Variants in WWP2 observed in about 807,000 individuals in gnomAD.
WWP2 encodes NEDD4-like E3 ubiquitin-protein ligase WWP2.
A neutral mutation model predicts 121.0 loss-of-function variants in WWP2; 57 were observed. The observed-to-expected ratio is 0.47, with a 90% CI of 0.38 to 0.59. The LOEUF is 0.59. WWP2 is among the 20% of genes least tolerant of loss of function. The pLI, the probability that WWP2 is intolerant of heterozygous loss-of-function variation, is 0.00. For synonymous variants in WWP2, 449 were observed against 441.3 expected (o/e 1.02, Z -0.22); for missense variants, 962 against 1,158.9 (o/e 0.83, Z 2.47).
At chr16:69,855,662 C>T (rs2057296693) in intron 6 of WWP2, among the ~76,000 whole-genome samples, 1 of 152,080 alleles carries the variant, frequency 6.6e-6, no homozygotes, top group African/African-American at 2.4e-5. Flanking sequence ...AGGAATGTAA[C>T]CATGAGGATA....
At position 69,842,082 on chromosome 16, in the gene WWP2, C is replaced by T. The variant is rs553800313; in HGVS notation, c.537C>T (p.His179=). 1.7e-5 allele frequency: 28 copies of T among 1,613,392 alleles called. No individual in the cohort carries two copies. The highest frequency in any genetic ancestry group is 6.7e-5 in the African/African-American group (5 of 75,044). ...CAGCAGTAGCTCCAGAGAACCGGCA[C>T]CAGCCCCCCAGCACAAACTGCTTTG... ...SGTAVAPENR[H]QPPSTNCFGG... Residue 179 remains histidine (H), a synonymous_variant, in exon 6 of 24, where the codon CAC becomes CAT. Transcript: ENST00000359154.
intron 3 of WWP2, 153 bp downstream of exon 3, chr16:69,798,982 A>C: frequency 7.4e-7 from 1 of 1,342,862 alleles, no homozygotes; most frequent in Non-Finnish European, 1.0e-6. Context: ...TTCCTACACC[A>C]TTGAGCTCAT....
intron 4 of WWP2, among the ~76,000 whole-genome samples, chr16:69,801,673 A>C (rs2056170446): frequency 6.6e-6 from 1 of 152,124 alleles, no homozygotes; most frequent in Non-Finnish European, 1.5e-5. Context: ...CAGCCTCCGG[A>C]ATAGCTGGAA....
At position 69,806,439 on chromosome 16, in the gene WWP2, A is replaced by G. The variant is rs373899365; in HGVS notation, c.340+7144A>G. On this transcript the variant is annotated intron_variant, in intron 4 of 23. Transcript: ENST00000359154. ...CAAGCTAATTTTATAAAGTAAATTGATGTGCTTTCCAACTTTGGGAACAGT... is the reference window on the plus strand; with the variant it reads ...CAAGCTAATTTTATAAAGTAAATTGGTGTGCTTTCCAACTTTGGGAACAGT... 1.5e-4 allele frequency among the ~76,000 whole-genome samples: 23 copies of G among 152,308 alleles called. 1 individual carries two copies. The highest frequency in any genetic ancestry group is 4.8e-4 in the African/African-American group (20 of 41,560).
chr16:69,893,487 T>A (rs1454748524), intron 8 of WWP2, among the ~76,000 whole-genome samples: 1 of 152,248 alleles, frequency 6.6e-6, no homozygotes, highest in Non-Finnish European at 1.5e-5. Context: ...TTGAGCCTAA[T>A]GCTGTCATTC....
intron 4 of WWP2, among the ~76,000 whole-genome samples, chr16:69,830,350 A>G (rs895062685): frequency 6.6e-6 from 1 of 152,150 alleles, no homozygotes; most frequent in Admixed American, 6.5e-5. Context: ...CGGCCTCCCA[A>G]AGTGTTGGGA....
At chr16:69,833,576 G>C (rs117855256) in intron 4 of WWP2, among the ~76,000 whole-genome samples, 2 of 152,272 alleles carry the variant, frequency 1.3e-5, no homozygotes, top group Non-Finnish European at 2.9e-5. Context: ...GCTGTCTGTC[G>C]ACCTCCATAA....
chr16:69,870,144 G>T (rs762334892), intron 6 of WWP2, among the ~76,000 whole-genome samples: 1 of 152,098 alleles, frequency 6.6e-6, no homozygotes, highest in Non-Finnish European at 1.5e-5. Context: ...TCTGTAAAGC[G>T]GGGATAATAA....
chr16:69,852,570 G>A (rs191909552), intron 6 of WWP2, among the ~76,000 whole-genome samples: 4 of 152,270 alleles, frequency 2.6e-5, no homozygotes, highest in Admixed American at 1.3e-4. Context: ...TGCCTTGCCC[G>A]GCCTATGATA....
At chr16:69,791,827 C>A (rs773445578) in intron 2 of WWP2, among the ~76,000 whole-genome samples, 1 of 152,222 alleles carries the variant, frequency 6.6e-6, no homozygotes, top group East Asian at 1.9e-4. Flanking sequence ...GCCCCCACCT[C>A]GGCCTCTTAA....
intron 2 of WWP2, among the ~76,000 whole-genome samples, chr16:69,789,107 G>T (rs1389014359): frequency 6.6e-6 from 1 of 152,048 alleles, no homozygotes; most frequent in Non-Finnish European, 1.5e-5. Flanking sequence ...GCCCAGGCTG[G>T]ACTGCAGTGG....
intron 11 of WWP2, among the ~76,000 whole-genome samples, chr16:69,928,124 C>T (rs1438686660): frequency 6.6e-6 from 1 of 152,128 alleles, no homozygotes; most frequent in Non-Finnish European, 1.5e-5. Context: ...CACTGCAGCT[C>T]GAGTCTTGGA....
In WWP2 at chr16:69,895,385, C is replaced by G. The variant is rs1178188977; in HGVS notation, c.914+7136C>G. ...TTTAATTTATTTTAAAATAGTCTGT[C>G]TATTGTGAATCCTTTAATTCTATAC... On this transcript the variant is annotated intron_variant, in intron 8 of 23. Transcript: ENST00000359154. Among the ~76,000 whole-genome samples the G allele has an allele frequency of 2.6e-5, 4 of 152,306 alleles. No homozygotes were observed. In the East Asian group the frequency reaches 7.7e-4, roughly 29 times the overall value.
intron 6 of WWP2, among the ~76,000 whole-genome samples, chr16:69,848,888 A>AT (rs2057143352): frequency 6.6e-6 from 1 of 151,966 alleles, no homozygotes; most frequent in Non-Finnish European, 1.5e-5. Context: ...TTTCCCAGTG[A>AT]TTTTTTTACA....
At chr16:69,808,530 T>C (rs1001071468) in intron 4 of WWP2, among the ~76,000 whole-genome samples, 2 of 152,206 alleles carry the variant, frequency 1.3e-5, no homozygotes, top group Non-Finnish European at 2.9e-5. Context: ...GCCTCCTGAA[T>C]AGTTGACATT....
intron 6 of WWP2, among the ~76,000 whole-genome samples, chr16:69,863,568 G>A (rs1037525539): frequency 4.6e-5 from 7 of 152,162 alleles, no homozygotes; most frequent in African/African-American, 1.7e-4. Flanking sequence ...GAACCTGGTG[G>A]GGGCAGAGGT....
chr16:69,897,935 C>CA (rs1026790009), intron 8 of WWP2, among the ~76,000 whole-genome samples: 7 of 149,242 alleles, frequency 4.7e-5, no homozygotes, highest in African/African-American at 7.5e-5. Flanking sequence ...CAAAACAAAA[C>CA]AAAAAAAACA....
At chr16:69,931,738 C>T (rs2058717229) in intron 15 of WWP2, 64 bp from the exon 16 acceptor site, 1 of 1,586,598 alleles carries the variant, frequency 6.3e-7, no homozygotes, top group African/African-American at 1.3e-5. Context: ...GTCCCCTGTC[C>T]CTCCCGCCCC....
chr16:69,874,017 C>CCAAG (rs1196601442), intron 7 of WWP2, among the ~76,000 whole-genome samples: 38 of 152,218 alleles, frequency 2.5e-4, no homozygotes, highest in African/African-American at 7.7e-4. Context: ...AAAAGCCAGG[C>CCAAG]GTCTCTAACC....
Sources: allele counts gnomAD v4.1 joint callset (sites outside exome capture counted in the v4.1 genomes callset), GRCh38; gene constraint gnomAD v4.1.1; transcripts MANE v1.5; gene names NCBI Gene and HGNC (gene_info 2026-07-23, HGNC 2026-07-21).